The following OR9Q1 variants were observed in gnomAD, a reference collection of about 807,000 sequenced individuals.
OR9Q1 encodes the protein olfactory receptor family 9 subfamily Q member 1.
For synonymous variants in OR9Q1, 153 were observed against 148.6 expected (o/e 1.03, Z -0.22); for missense variants, 374 against 378.8 (o/e 0.99, Z 0.11).
intron 2 of OR9Q1, chr11:58,108,749 C>T (rs1447170): frequency 0.8 from 168,452 of 210,284 alleles, 70,457 homozygotes; most frequent in Non-Finnish European, 0.91. Context: ...AATTTACCAA[C>T]GAGTTTTCCA....
At chr11:58,045,536 AATG>A (rs1231894616) in intron 1 of OR9Q1, among the ~76,000 whole-genome samples, 3 of 152,046 alleles carry the variant, frequency 2.0e-5, no homozygotes, top group Non-Finnish European at 2.9e-5. Flanking sequence ...GCCTGGCCAT[AATG>A]ATATGTGCTT....
chr11:58,141,548 C>T (rs935239152), intron 2 of OR9Q1, among the ~76,000 whole-genome samples: 2 of 152,168 alleles, frequency 1.3e-5, no homozygotes, highest in Admixed American at 6.5e-5. Context: ...TTGAACCAGC[C>T]TTGCATCCCA....
chr11:58,108,814 G>C (rs1853867604), intron 2 of OR9Q1: 1 of 317,262 alleles, frequency 3.2e-6, no homozygotes, highest in Non-Finnish European at 6.3e-6. Flanking sequence ...GTTCAACATA[G>C]GGATGATTAC....
chr11:58,053,278 A>T (rs1190699874), intron 1 of OR9Q1, among the ~76,000 whole-genome samples: 1 of 151,854 alleles, frequency 6.6e-6, no homozygotes, highest in Non-Finnish European at 1.5e-5. Context: ...ATAAAAAATG[A>T]TGAGTTCATG....
chr11:58,031,299 G>A (rs778829399), intron 1 of OR9Q1: 13 of 1,614,108 alleles, frequency 8.1e-6, no homozygotes, highest in Non-Finnish European at 9.3e-6. Flanking sequence ...GCAACTGAGT[G>A]TTTCCTACTG....
intron 2 of OR9Q1, among the ~76,000 whole-genome samples, chr11:58,124,103 T>C (rs1342233371): frequency 6.6e-5 from 10 of 152,054 alleles, no homozygotes; most frequent in Admixed American, 6.6e-4. Flanking sequence ...GAGGGAAAAA[T>C]TTTAGGAGCA....
intron 1 of OR9Q1, chr11:58,041,440 A>C (rs1340987321): frequency 1.2e-4 from 18 of 153,904 alleles, no homozygotes. Context: ...GCTGAGGGCC[A>C]AGGAGGACAG....
intron 2 of OR9Q1, among the ~76,000 whole-genome samples, chr11:58,096,926 A>T (rs1468601955): frequency 6.6e-6 from 1 of 151,434 alleles, no homozygotes; most frequent in Non-Finnish European, 1.5e-5. Context: ...CTCGTCTCGA[A>T]CTCCTGACCT....
chr11:58,135,578 TGTTTA>T (rs1326443533), intron 2 of OR9Q1, among the ~76,000 whole-genome samples: 1 of 152,180 alleles, frequency 6.6e-6, no homozygotes, highest in Non-Finnish European at 1.5e-5. Context: ...CATCCTTGCC[TGTTTA>T]GTTCTATATA....
At chr11:58,126,156 G>T (rs1590604923) in intron 2 of OR9Q1, among the ~76,000 whole-genome samples, 1 of 152,098 alleles carries the variant, frequency 6.6e-6, no homozygotes, top group Non-Finnish European at 1.5e-5. Flanking sequence ...GGTTTCCATG[G>T]TCAACTCTCT....
At chr11:58,082,326 G>A (rs1217551620) in intron 2 of OR9Q1, among the ~76,000 whole-genome samples, 1 of 152,100 alleles carries the variant, frequency 6.6e-6, no homozygotes, top group Non-Finnish European at 1.5e-5. Context: ...ATTTACAATA[G>A]CAAAGATTTG....
At chr11:58,111,451 A>T (rs1853898208) in intron 2 of OR9Q1, among the ~76,000 whole-genome samples, 1 of 152,202 alleles carries the variant, frequency 6.6e-6, no homozygotes, top group South Asian at 2.1e-4. Context: ...AATTTGACTT[A>T]TACATTGCTG....
chr11:58,180,113 G>A lies in OR9Q1; in HGVS notation c.669G>A (p.Val223=). ...VILVSYLFII[V]AIMGIPAGSQ... ...TGGTGTCCTACCTGTTTATCATCGT[G>A]GCCATCATGGGGATCCCTGCTGGAA... Residue 223 remains valine, a synonymous_variant, in exon 3 of 3, where the codon GTG becomes GTA. Coordinates refer to ENST00000335397, the MANE Select transcript of OR9Q1 (RefSeq NM_001005212.4). The A allele has an allele frequency of 6.2e-7, 1 of 1,614,086 alleles. No individual in the cohort carries two copies. Among genetic ancestry groups the A allele is most frequent in the Non-Finnish European group, 8.5e-7 (1 of 1,180,018 alleles).
At chr11:58,179,315 C>T in intron 2 of OR9Q1, 116 bp from the exon 3 acceptor site, 3 of 646,286 alleles carry the variant, frequency 4.6e-6, no homozygotes, top group South Asian at 2.3e-5. Context: ...TGAGCCACAG[C>T]ACCTGGCACA....
intron 2 of OR9Q1, among the ~76,000 whole-genome samples, chr11:58,124,118 G>T (rs921977832): frequency 3.3e-5 from 5 of 152,224 alleles, no homozygotes; most frequent in Non-Finnish European, 7.4e-5. Context: ...GGAGCAGACT[G>T]GTGACACCCA....
chr11:58,076,979 G>T (rs1180019792), intron 2 of OR9Q1, among the ~76,000 whole-genome samples: 1 of 152,138 alleles, frequency 6.6e-6, no homozygotes, highest in Non-Finnish European at 1.5e-5. Flanking sequence ...AGGATAAAGA[G>T]AATGACAGTT....
intron 2 of OR9Q1, among the ~76,000 whole-genome samples, chr11:58,089,720 C>A (rs1590583065): frequency 1.3e-5 from 2 of 151,888 alleles, no homozygotes; most frequent in African/African-American, 4.9e-5. Flanking sequence ...GGGGATAGCA[C>A]TGAATCTATA....
chr11:58,073,681 A>G (rs1441837077), intron 2 of OR9Q1: 3 of 152,206 alleles, frequency 2.0e-5, no homozygotes, highest in Admixed American at 2.0e-4. Flanking sequence ...CATGTGCAGA[A>G]CATGCAGGTT....
At chr11:58,044,798 G>A (rs904897697) in intron 1 of OR9Q1, 6 of 152,166 alleles carry the variant, frequency 3.9e-5, no homozygotes, top group Admixed American at 3.9e-4. Flanking sequence ...TGGAATTCTG[G>A]TTCTGCCCTT....
Sources: gnomAD v4.1 joint callset for allele counts (sites outside exome capture counted in the v4.1 genomes callset) on GRCh38, gnomAD v4.1.1 for gene constraint, MANE v1.5 for transcripts, NCBI Gene and HGNC (gene_info 2026-07-23, HGNC 2026-07-21) for gene names.